Variants in DOK5 observed in about 807,000 individuals in gnomAD.
DOK5 encodes docking protein 5, also known as downstream of tyrosine kinase 5.
DOK5 carries 27 observed loss-of-function variants against 43.3 expected under a neutral mutation model. That is an observed-to-expected ratio of 0.62 (90% CI 0.46 to 0.86). The LOEUF is 0.86. Among genes scored for constraint, DOK5 ranks in the 40% least tolerant of loss-of-function variants. The pLI is 0.00. For missense variants in DOK5, 373 were observed against 392.9 expected (o/e 0.95, Z 0.43); for synonymous variants, 146 against 140.1 (o/e 1.04, Z -0.30).
chr20:54,505,008 T>C (rs909465778), intron 1 of DOK5, among the ~76,000 whole-genome samples: 3 of 152,132 alleles, frequency 2.0e-5, no homozygotes, highest in African/African-American at 4.8e-5. Flanking sequence ...TATTCATATC[T>C]GTCCCGGTGG....
intron 1 of DOK5, among the ~76,000 whole-genome samples, chr20:54,548,574 A>G (rs1984422777): frequency 6.6e-6 from 1 of 152,178 alleles, no homozygotes; most frequent in Admixed American, 6.6e-5. Context: ...AAACTATTAT[A>G]GTTCGAATAA....
intron 1 of DOK5, among the ~76,000 whole-genome samples, chr20:54,521,222 C>G (rs1983383000): frequency 6.6e-6 from 1 of 152,010 alleles, no homozygotes; most frequent in African/African-American, 2.4e-5. Context: ...ATCACATTTG[C>G]TGTTCTCTTT....
intron 1 of DOK5, among the ~76,000 whole-genome samples, chr20:54,532,087 C>A (rs1228194909): frequency 2.6e-5 from 4 of 152,290 alleles, no homozygotes; most frequent in South Asian, 4.1e-4. Context: ...CAAATACCCT[C>A]CACCTCTGGA....
At chr20:54,635,330 T>C (rs1325453674) in intron 6 of DOK5, among the ~76,000 whole-genome samples, 1 of 152,234 alleles carries the variant, frequency 6.6e-6, no homozygotes, top group East Asian at 1.9e-4. Context: ...CCTTTTCAGG[T>C]GTTTTCTCTG....
At chr20:54,521,062 C>T (rs1983376917) in intron 1 of DOK5, among the ~76,000 whole-genome samples, 2 of 151,968 alleles carry the variant, frequency 1.3e-5, no homozygotes, top group Non-Finnish European at 2.9e-5. Context: ...CATCACCTGG[C>T]CTTCTGGTTG....
At chr20:54,528,813 T>C (rs1201454535) in intron 1 of DOK5, among the ~76,000 whole-genome samples, 1 of 152,150 alleles carries the variant, frequency 6.6e-6, no homozygotes, top group East Asian at 1.9e-4. Context: ...TTCTTCTTTA[T>C]ATACTTTTGT....
rs923274923 is a variant in DOK5, at chr20:54,483,727, T to C, written c.66+7715T>C. 4.6e-5 allele frequency among the ~76,000 whole-genome samples: 7 copies of C among 152,272 alleles called. No individual in the cohort carries two copies. In the South Asian group the frequency reaches 1.5e-3, roughly 32 times the overall value. ...CGTTCCTGTGAAATTCAAAATAAAATTGTGAGTTTAGAAATGCCACATGAT... is the reference window on the plus strand; with the variant it reads ...CGTTCCTGTGAAATTCAAAATAAAACTGTGAGTTTAGAAATGCCACATGAT... On this transcript the variant is annotated intron_variant, in intron 1 of 7. Coordinates refer to ENST00000262593, the MANE Select transcript of DOK5 (RefSeq NM_018431.5).
chr20:54,567,942 T>C (rs891237590), intron 2 of DOK5, among the ~76,000 whole-genome samples: 15 of 152,344 alleles, frequency 9.8e-5, no homozygotes, highest in African/African-American at 3.6e-4. Context: ...TATTAAATTT[T>C]AAGGTTTTTA....
In DOK5 at chr20:54,532,766, G is replaced by C. The variant is rs1029440148; in HGVS notation, c.67-22167G>C. The stretch of plus-strand genomic sequence containing the variant: ...GCTAGCCAGGATCAAGTTTGGGCAA[G>C]ATACCAGGAGGCTCAGAGACCTGCG... On this transcript the variant is annotated intron_variant, in intron 1 of 7. Transcript: ENST00000262593. Among the ~76,000 whole-genome samples the C allele has an allele frequency of 3.3e-5, 5 of 152,212 alleles. No individual in the cohort carries two copies. In the East Asian group the frequency reaches 5.8e-4, roughly 18 times the overall value.
chr20:54,586,916 G>T (rs571774945), intron 2 of DOK5, among the ~76,000 whole-genome samples: 12 of 152,210 alleles, frequency 7.9e-5, no homozygotes, highest in African/African-American at 2.6e-4. Flanking sequence ...GGTCTTGGTG[G>T]TCATTCTAAG....
intron 2 of DOK5, among the ~76,000 whole-genome samples, chr20:54,585,249 G>T (rs1248327234): frequency 1.3e-5 from 2 of 152,142 alleles, no homozygotes; most frequent in Non-Finnish European, 2.9e-5. Context: ...ATTGTCCTTT[G>T]ACCCATAAAA....
chr20:54,630,491 T>C (rs1391707435), intron 6 of DOK5, among the ~76,000 whole-genome samples: 1 of 152,082 alleles, frequency 6.6e-6, no homozygotes, highest in African/African-American at 2.4e-5. Flanking sequence ...GAGTGGGAAA[T>C]AGTCTCCTTA....
intron 1 of DOK5, among the ~76,000 whole-genome samples, chr20:54,534,837 T>C (rs1046009315): frequency 3.9e-5 from 6 of 152,064 alleles, no homozygotes; most frequent in Non-Finnish European, 8.8e-5. Context: ...CTTTCTTTCT[T>C]TCTTTCTTTC....
intron 2 of DOK5, among the ~76,000 whole-genome samples, chr20:54,563,380 G>A (rs1441494191): frequency 6.6e-6 from 1 of 152,064 alleles, no homozygotes; most frequent in Non-Finnish European, 1.5e-5. Context: ...TTTGTTTCTT[G>A]TTTTATTAAC....
In DOK5 at chr20:54,610,434, G is replaced by A. The variant is rs535416593; in HGVS notation, c.646G>A (p.Gly216Arg). 9 of 1,600,236 alleles carry A rather than the reference G, an allele frequency of 5.6e-6. No homozygotes were observed. Among genetic ancestry groups the A allele is most frequent in the African/African-American group, 2.7e-5 (2 of 74,544 alleles). The change falls in exon 6 of 8, where the codon GGG becomes AGG. Residue 216 changes from glycine (G) to arginine (R), a missense_variant. By Grantham distance (125) the Gly-to-Arg change is moderately radical. Coordinates refer to ENST00000262593, the MANE Select transcript of DOK5 (RefSeq NM_018431.5). Reference sequence around the variant, plus strand: ...GCTGTTTATCTTTCAGACCCGAGACGGGGAGGCCATCTATCAGAAAGTCCA... The same window carrying A: ...GCTGTTTATCTTTCAGACCCGAGACAGGGAGGCCATCTATCAGAAAGTCCA... ...EGLFIFQTRD[G>R]EAIYQKVHSA...
At chr20:54,619,608 C>G (rs1986921089) in intron 6 of DOK5, among the ~76,000 whole-genome samples, 1 of 152,200 alleles carries the variant, frequency 6.6e-6, no homozygotes, top group African/African-American at 2.4e-5. Flanking sequence ...GACTTCTGCC[C>G]TGTACTCTGG....
rs1358877282 is a variant in DOK5 at position 54,475,708 on chromosome 20, C to G, written c.-239C>G. 1.7e-6 allele frequency: 1 copy of G among 578,388 alleles called. No individual in the cohort carries two copies. The allele number at this position is 578,388 out of a possible 1,614,324, so 35.8% of individuals were successfully genotyped here. ...GCTGACGCCGGCGCTCCAGCCTCGC[C>G]TCCCCGCGCCGCGCTCTGCGCTCCC... On this transcript the variant is annotated 5_prime_UTR_variant, in exon 1 of 8. Transcript: ENST00000262593. This position sits in a 1 kb window ranked among gnomAD's most constrained non-coding sequence, Gnocchi z 4.2.
chr20:54,620,120 T>C (rs1220224406), intron 6 of DOK5, among the ~76,000 whole-genome samples: 2 of 152,270 alleles, frequency 1.3e-5, no homozygotes, highest in Admixed American at 6.5e-5. Context: ...TTTTATATCC[T>C]GGCATATTAA....
intron 2 of DOK5, among the ~76,000 whole-genome samples, chr20:54,562,671 G>T (rs1984949067): frequency 6.6e-6 from 1 of 151,850 alleles, no homozygotes; most frequent in Admixed American, 6.6e-5. Flanking sequence ...TCCCTCCTTG[G>T]CCTCCCAAAG....
Sources: allele counts gnomAD v4.1 joint callset (sites outside exome capture counted in the v4.1 genomes callset), GRCh38; gene constraint gnomAD v4.1.1; non-coding constraint Gnocchi (gnomAD v3.1); transcripts MANE v1.5; gene names NCBI Gene and HGNC (gene_info 2026-07-23, HGNC 2026-07-21).